Variants in INTS7 observed in about 807,000 individuals in gnomAD.
The protein encoded by INTS7 is chromosome 1 open reading frame 73.
A neutral mutation model predicts 109.2 loss-of-function variants in INTS7; 46 were observed. That is an observed-to-expected ratio of 0.42 (90% CI 0.33 to 0.54). INTS7 has a LOEUF of 0.54. INTS7 is among the 20% of genes least tolerant of loss of function. The pLI, the probability that INTS7 is intolerant of heterozygous loss-of-function variation, is 0.07. For synonymous variants in INTS7, 412 were observed against 402.9 expected, an observed-to-expected ratio of 1.02 and a Z score of -0.27; for missense variants, 929 against 1,132.4, an observed-to-expected ratio of 0.82 and a Z score of 2.58.
intron 8 of INTS7, among the ~76,000 whole-genome samples, chr1:211,983,909 G>A (rs895933734): frequency 2.0e-5 from 3 of 151,450 alleles, no homozygotes; most frequent in Non-Finnish European, 4.4e-5. Flanking sequence ...GTGCAGTGGT[G>A]CGATCATGGC....
At chr1:211,976,182 A>C (rs1384438950) in intron 12 of INTS7, among the ~76,000 whole-genome samples, 1 of 152,192 alleles carries the variant, frequency 6.6e-6, no homozygotes, top group East Asian at 1.9e-4. Context: ...TATGGCTGAG[A>C]AGAGTACAGC....
At chr1:212,033,830 C>A (rs2970588) in intron 1 of INTS7, among the ~76,000 whole-genome samples, 7,001 of 152,292 alleles carry the variant, frequency 0.046, 221 homozygotes, top group African/African-American at 0.083. Context: ...GCCTGTAAAT[C>A]CCAGCACTTT....
chr1:211,996,771 C>A (rs1387871516), intron 7 of INTS7, among the ~76,000 whole-genome samples: 1 of 152,064 alleles, frequency 6.6e-6, no homozygotes, highest in East Asian at 1.9e-4. Context: ...ACGCCTATAA[C>A]CCCAGCACTT....
Position 212,035,404 on chromosome 1 carries a change from C to G in INTS7, c.34G>C (p.Asp12His). The G allele has an allele frequency of 6.2e-7, 1 of 1,614,080 alleles. No individual in the cohort carries two copies. The highest frequency in any genetic ancestry group is 8.5e-7 in the Non-Finnish European group (1 of 1,179,882). ...ASNSTKSFLA[D>H]AGYGEQELDA... is the part of the protein sequence containing the mutation. Reference sequence around the variant, plus strand: ...AGTTCCTGTTCGCCATAGCCGGCATCTGCCAGGAAAGACTTAGTTGAGTTT... The same window carrying G: ...AGTTCCTGTTCGCCATAGCCGGCATGTGCCAGGAAAGACTTAGTTGAGTTT... The change falls in exon 1 of 20, where the codon GAT (aspartate) becomes CAT (histidine). Residue 12 changes from aspartate (D) to histidine (H), a missense_variant. Physicochemically the swap from Asp to His is moderately conservative, Grantham distance 81. Transcript: ENST00000366994.
intron 5 of INTS7, among the ~76,000 whole-genome samples, chr1:212,008,182 A>G (rs1045939663): frequency 6.6e-6 from 1 of 152,180 alleles, no homozygotes; most frequent in African/African-American, 2.4e-5. Context: ...ACAGTTGCCT[A>G]CGTCAATAAA....
chr1:211,955,486 G>A (rs138665321), intron 16 of INTS7, among the ~76,000 whole-genome samples: 1,666 of 152,198 alleles, frequency 0.011, 29 homozygotes, highest in African/African-American at 0.037. Context: ...TTCAAAGGGA[G>A]TGCTTCCAGT....
At chr1:211,965,369 C>T (rs1663825659) in intron 16 of INTS7, among the ~76,000 whole-genome samples, 1 of 152,126 alleles carries the variant, frequency 6.6e-6, no homozygotes, top group South Asian at 2.1e-4. Context: ...TTAGTTCAAC[C>T]ATCGTGGAAA....
intron 5 of INTS7, among the ~76,000 whole-genome samples, chr1:212,010,346 G>A (rs12122247): frequency 0.068 from 10,287 of 152,230 alleles, 440 homozygotes; most frequent in Admixed American, 0.14. Context: ...CATAATGACT[G>A]TTGTAAGGAT....
rs1663523026 is a variant in INTS7 at position 211,959,578 on chromosome 1, C to T, written c.2183+6852G>A. 6.6e-6 allele frequency among the ~76,000 whole-genome samples: 1 copy of T among 152,180 alleles called. No individual in the cohort carries two copies. Among genetic ancestry groups the T allele is most frequent in the South Asian group, 2.1e-4 (1 of 4,830 alleles). ...GCGTGTGCATGGGCAGATCTTGCCTCCCCAGCCCCACAAGTGCACGTTCAC... is the reference window on the plus strand; with the variant it reads ...GCGTGTGCATGGGCAGATCTTGCCTTCCCAGCCCCACAAGTGCACGTTCAC... On this transcript the variant is annotated intron_variant, in intron 16 of 19. Coordinates refer to ENST00000366994, the MANE Select transcript of INTS7 (RefSeq NM_015434.4). The surrounding 1 kb of genome is among the most constrained non-coding windows in gnomAD (Gnocchi z 4.2).
At chr1:212,011,577 T>C in intron 4 of INTS7, 156 bp from the exon 5 acceptor site, 1 of 597,562 alleles carries the variant, frequency 1.7e-6, no homozygotes, top group South Asian at 2.2e-5. Context: ...GGGGAGGTGG[T>C]AAGAAACACA....
In INTS7 at chr1:211,966,458, C is replaced by G; in HGVS notation, c.2155G>C (p.Ala719Pro). 1.2e-6 allele frequency: 2 copies of G among 1,607,578 alleles called. No individual in the cohort carries two copies. Among genetic ancestry groups the G allele is most frequent in the Non-Finnish European group, 1.7e-6 (2 of 1,174,644 alleles). ...SCLLISHAIE[A>P]LILDPESASF... The stretch of plus-strand genomic sequence containing the variant: ...GCTGATTCTGGATCCAAAATCAGGG[C>G]TTCTATTGCATGAGATATCAGTAAA... Residue 719 changes from alanine (A) to proline (P), a missense_variant, in exon 16 of 20, where the codon GCC (alanine) becomes CCC (proline). Around this residue, in one of 2 missense-constraint regions of INTS7, gnomAD observed 787 missense variants for 901.1 expected, o/e 0.87. Transcript: ENST00000366994.
intron 19 of INTS7, among the ~76,000 whole-genome samples, chr1:211,943,218 A>G (rs1571833549): frequency 6.6e-6 from 1 of 151,950 alleles, no homozygotes; most frequent in East Asian, 1.9e-4. Flanking sequence ...TAAGCTGCAA[A>G]CTCACTGTGA....
intron 4 of INTS7, among the ~76,000 whole-genome samples, chr1:212,015,385 T>G (rs1666377118): frequency 6.6e-6 from 1 of 152,154 alleles, no homozygotes; most frequent in Non-Finnish European, 1.5e-5. Flanking sequence ...TGCCTTGGGA[T>G]GCTGTTAATC....
At chr1:211,961,014 G>GA (rs1187785424) in intron 16 of INTS7, among the ~76,000 whole-genome samples, 2 of 147,326 alleles carry the variant, frequency 1.4e-5, no homozygotes, top group Admixed American at 6.8e-5. Context: ...CTCTGTCTCA[G>GA]AAAAAAGAAA....
intron 8 of INTS7, among the ~76,000 whole-genome samples, chr1:211,984,204 A>AT (rs1438193718): frequency 6.6e-6 from 1 of 152,038 alleles, no homozygotes; most frequent in Non-Finnish European, 1.5e-5. Flanking sequence ...CTATATCTTT[A>AT]TTTTTTCAAA....
intron 4 of INTS7, among the ~76,000 whole-genome samples, chr1:212,014,564 C>A (rs1275466021): frequency 6.6e-6 from 1 of 151,560 alleles, no homozygotes; most frequent in African/African-American, 2.4e-5. Flanking sequence ...CCTCCCCCTC[C>A]CCCTCTCCCC....
intron 13 of INTS7, among the ~76,000 whole-genome samples, chr1:211,969,849 G>C (rs1664093047): frequency 6.6e-6 from 1 of 151,914 alleles, no homozygotes; most frequent in Admixed American, 6.6e-5. Flanking sequence ...CTCCTGAGTA[G>C]CTGGGACTAC....
rs764514228 is a variant in INTS7 at position 211,978,392 on chromosome 1, G to A, written c.1350C>T (p.Cys450=). Residue 450 remains cysteine (C), a synonymous_variant, in exon 11 of 20, where the codon TGC becomes TGT. Coordinates refer to ENST00000366994, the MANE Select transcript of INTS7 (RefSeq NM_015434.4). ...SAQDAARILM[C]HCLAAIAMQL... ...GCATGGCAATGGCTGCCAGGCAATG[G>A]CACATCAAAATCCGGGCAGCGTCTT... The A allele has an allele frequency of 3.1e-6, 5 of 1,614,180 alleles. No individual in the cohort carries two copies. The highest frequency in any genetic ancestry group is 3.4e-6 in the Non-Finnish European group (4 of 1,180,044).
chr1:212,008,084 C>T (rs1427460671), intron 5 of INTS7, among the ~76,000 whole-genome samples: 11 of 152,292 alleles, frequency 7.2e-5, no homozygotes, highest in Non-Finnish European at 1.5e-5. Context: ...CACATACATG[C>T]CACAAGCTAA....
Sources: allele counts gnomAD v4.1 joint callset (sites outside exome capture counted in the v4.1 genomes callset), GRCh38; gene constraint gnomAD v4.1.1; regional missense constraint gnomAD v4.1.1; non-coding constraint Gnocchi (gnomAD v3.1); transcripts MANE v1.5; gene names NCBI Gene and HGNC (gene_info 2026-07-23, HGNC 2026-07-21).